The following THUMPD2 variants were observed in gnomAD, a reference collection of about 807,000 sequenced individuals.
The protein encoded by THUMPD2 is U6 snRNA (guanine-N(2))-methyltransferase THUMPD2.
A neutral mutation model predicts 49.4 loss-of-function variants in THUMPD2; 56 were observed. The ratio of observed to expected loss-of-function variants is 1.13; its 90% confidence interval spans 0.91 to 1.41. The LOEUF is 1.41. THUMPD2 is among the 40% of genes most tolerant of loss of function. The pLI, the probability that THUMPD2 is intolerant of heterozygous loss-of-function variation, is 0.00. For missense variants in THUMPD2, 709 were observed against 594.5 expected, an observed-to-expected ratio of 1.19 and a Z score of -2.00; for synonymous variants, 237 against 205.2, an observed-to-expected ratio of 1.15 and a Z score of -1.32.
chr2:39,759,723 G>A (rs574418785), intron 6 of THUMPD2, among the ~76,000 whole-genome samples: 1 of 152,306 alleles, frequency 6.6e-6, no homozygotes, highest in East Asian at 1.9e-4. Context: ...GCTCATCTGT[G>A]TCACCGGAAG....
At position 39,761,339 on chromosome 2, in the gene THUMPD2, C is replaced by G. The variant is rs200258471; in HGVS notation, c.883G>C (p.Asp295His). ...TIAWAMASLA[D>H]IKAGAFVLDP... ...GAAAACATTTTTCTTACCTTAATGT[C>G]AGCCAGAGATGCCATTGCCCACGCT... is the stretch of plus-strand genomic sequence containing the variant. Residue 295 changes from aspartate to histidine, a missense_variant, in exon 6 of 10, where the codon GAC (aspartate) becomes CAC (histidine). Asp to His is a moderately conservative substitution (Grantham distance 81, BLOSUM62 -1). Transcript: ENST00000505747. The G allele has an allele frequency of 1.8e-4, 288 of 1,613,704 alleles. No individual in the cohort carries two copies. The highest frequency in any genetic ancestry group is 2.3e-4 in the Non-Finnish European group (268 of 1,179,718).
intron 5 of THUMPD2, among the ~76,000 whole-genome samples, chr2:39,765,846 G>T: frequency 6.6e-6 from 1 of 152,094 alleles, no homozygotes; most frequent in East Asian, 1.9e-4. Context: ...AGATTACCAT[G>T]ACCAAATATT....
intron 4 of THUMPD2, among the ~76,000 whole-genome samples, chr2:39,766,435 GAGA>G (rs1677532063): frequency 6.6e-6 from 1 of 152,106 alleles, no homozygotes; most frequent in Non-Finnish European, 1.5e-5. Flanking sequence ...ATTTTGCGTT[GAGA>G]AGATTTTCTA....
intron 1 of THUMPD2, among the ~76,000 whole-genome samples, chr2:39,773,705 A>G (rs1335931108): frequency 6.6e-6 from 1 of 151,084 alleles, no homozygotes; most frequent in Non-Finnish European, 1.5e-5. Flanking sequence ...AAGAGGACCC[A>G]AAAAGTTTAT....
chr2:39,755,403 A>G lies in THUMPD2; in HGVS notation c.970T>C (p.Tyr324His). 6.4e-7 allele frequency: 1 copy of G among 1,556,748 alleles called. No individual in the cohort carries two copies. The highest frequency in any genetic ancestry group is 8.7e-7 in the Non-Finnish European group (1 of 1,152,562). ...LEAAKEWPDV[Y>H]YVGADVSDSQ... ...TCGCTGACATCAGCACCTACATAAT[A>G]CACATCCTATGGGGAAATAAATATT... Residue 324 changes from tyrosine to histidine, a missense_variant, in exon 8 of 10, where the codon TAT becomes CAT. By Grantham distance (83) the Tyr-to-His change is moderately conservative. Transcript: ENST00000505747.
intron 9 of THUMPD2, among the ~76,000 whole-genome samples, chr2:39,737,547 T>A (rs1294877873): frequency 6.6e-6 from 1 of 152,188 alleles, no homozygotes; most frequent in Non-Finnish European, 1.5e-5. Context: ...GTGGAAAAAG[T>A]CATGAAAACA....
chr2:39,745,617 T>C (rs1558493258), intron 8 of THUMPD2, among the ~76,000 whole-genome samples: 1 of 152,182 alleles, frequency 6.6e-6, no homozygotes, highest in Non-Finnish European at 1.5e-5. Flanking sequence ...ATCCCAAGTC[T>C]TTCTTTTGCC....
intron 8 of THUMPD2, among the ~76,000 whole-genome samples, chr2:39,747,261 A>G (rs1423893776): frequency 6.6e-6 from 1 of 152,174 alleles, no homozygotes; most frequent in Non-Finnish European, 1.5e-5. Flanking sequence ...TGTGGCCAAA[A>G]TATATTTTGA....
intron 6 of THUMPD2, among the ~76,000 whole-genome samples, chr2:39,761,044 G>A (rs905909436): frequency 6.6e-6 from 1 of 151,878 alleles, no homozygotes; most frequent in Non-Finnish European, 1.5e-5. Flanking sequence ...AGAATAGGAG[G>A]TTTTACAGGC....
intron 9 of THUMPD2, among the ~76,000 whole-genome samples, chr2:39,738,605 A>ATAT (rs1553356026): frequency 0.089 from 12,436 of 140,412 alleles, 1,776 homozygotes; most frequent in African/African-American, 0.31. Context: ...ATGTAAAAAT[A>ATAT]TATATATAAT....
intron 8 of THUMPD2, among the ~76,000 whole-genome samples, chr2:39,745,824 T>A (rs546816187): frequency 9.2e-5 from 14 of 152,216 alleles, no homozygotes; most frequent in East Asian, 7.7e-4. Context: ...GAATAATTTT[T>A]AAAAAAAATC....
In THUMPD2 at chr2:39,756,107, A is replaced by C; in HGVS notation, c.892-147T>G. On this transcript the variant is annotated intron_variant, in intron 6 of 9. Transcript: ENST00000505747. ...CTGAAGGGACAGATGGGTTCAGGGG[A>C]GGGTTTTTATTTTTTTAAGTTGAAA... The C allele has an allele frequency of 6.0e-6, 4 of 668,196 alleles. No homozygotes were observed. The South Asian group carries it at 8.2e-5, about 14-fold the overall frequency. The allele number at this position is 668,196 out of a possible 1,614,324, so 41.4% of individuals were successfully genotyped here.
chr2:39,736,976 ATGT>A lies in THUMPD2; in HGVS notation c.1268_1270del (p.Asn423del), dbSNP rs1441180657. ...GTGACTGTCCTTGGAATTGAAAGGG[ATGT>A]TGCTCTCTTTACAATCTGTAAGGCG... On this transcript the variant is annotated inframe_deletion, in exon 10 of 10. Coordinates refer to ENST00000505747, the MANE Select transcript of THUMPD2 (RefSeq NM_025264.5). 9.9e-6 allele frequency: 16 copies of A among 1,613,924 alleles called. No individual in the cohort carries two copies. The highest frequency in any genetic ancestry group is 1.3e-5 in the Non-Finnish European group (15 of 1,180,002).
intron 9 of THUMPD2, among the ~76,000 whole-genome samples, chr2:39,741,557 T>C (rs1673901331): frequency 6.6e-6 from 1 of 152,172 alleles, no homozygotes. Flanking sequence ...CACAGTTACA[T>C]TTGAGGAGAA....
At position 39,755,786 on chromosome 2, in the gene THUMPD2, AT is replaced by A. The variant is rs1676027588; in HGVS notation, c.963+102del. ...TAAATAATAACTCATATAATTAAAA[AT>A]AATCCCCAAATAGACATTCTACTTG... On this transcript the variant is annotated intron_variant, in intron 7 of 9. Coordinates refer to ENST00000505747, the MANE Select transcript of THUMPD2 (RefSeq NM_025264.5). 6.4e-6 allele frequency: 6 copies of A among 935,660 alleles called. No individual in the cohort carries two copies. In the South Asian group the frequency reaches 9.7e-5, roughly 15 times the overall value. 58.0% of individuals were successfully genotyped at this position (935,660 alleles called of 1,614,324 possible).
intron 6 of THUMPD2, among the ~76,000 whole-genome samples, chr2:39,756,794 GA>G (rs1473995232): frequency 6.6e-6 from 1 of 152,076 alleles, no homozygotes; most frequent in Non-Finnish European, 1.5e-5. Context: ...AGGCTAACTA[GA>G]AGTTGACATG....
Position 39,776,392 on chromosome 2 carries a change from CTA to C in THUMPD2, c.126+2720_126+2721del, listed in dbSNP as rs1196657398. 8.2e-3 allele frequency among the ~76,000 whole-genome samples: 1,106 copies of C among 134,578 alleles called. 8 individuals carry two copies. The highest frequency in any genetic ancestry group is 0.024 in the African/African-American group (918 of 38,816). The allele number at this position is 134,578 out of a possible 152,430, so 88.3% of individuals were successfully genotyped here. A position where few individuals can be genotyped will look rare whatever the true frequency, so the allele number is the denominator to read the frequency against. ...AACTACACCATAGAGACTCAGTATA[CTA>C]TTTTTTTTTTTTTTTTTGAGATGGA... is the stretch of plus-strand genomic sequence containing the variant. On this transcript the variant is annotated intron_variant, in intron 1 of 9. Coordinates refer to ENST00000505747, the MANE Select transcript of THUMPD2 (RefSeq NM_025264.5).
chr2:39,767,378 G>A (rs1677664324), intron 4 of THUMPD2, among the ~76,000 whole-genome samples: 1 of 151,778 alleles, frequency 6.6e-6, no homozygotes. Context: ...GCCGAGGCGG[G>A]CGGATCACGA....
intron 9 of THUMPD2, among the ~76,000 whole-genome samples, chr2:39,743,357 A>C (rs1011625658): frequency 1.3e-5 from 2 of 152,212 alleles, no homozygotes; most frequent in Non-Finnish European, 2.9e-5. Flanking sequence ...TCATTGTTTC[A>C]ATCTCTCAAA....
Sources: gnomAD v4.1 joint callset for allele counts (sites outside exome capture counted in the v4.1 genomes callset) on GRCh38, gnomAD v4.1.1 for gene constraint, MANE v1.5 for transcripts, NCBI Gene and HGNC (gene_info 2026-07-23, HGNC 2026-07-21) for gene names.